The following CTNND2 variants were observed in gnomAD, a reference collection of about 807,000 sequenced individuals.
CTNND2 encodes the protein catenin delta-2.
In CTNND2, 22 loss-of-function variants were observed where a neutral mutation model predicts 144.4. The ratio of observed to expected loss-of-function variants is 0.15; its 90% CI spans 0.11 to 0.22. The LOEUF is 0.22. CTNND2 is among the 10% of genes least tolerant of loss of function. The pLI, the probability that CTNND2 is intolerant of heterozygous loss-of-function variation, is 1.00. For synonymous variants in CTNND2, 751 were observed against 695.6 expected, an observed-to-expected ratio of 1.08 and a Z score of -1.25; for missense variants, 1,353 against 1,618.8, an observed-to-expected ratio of 0.84 and a Z score of 2.82.
intron 9 of CTNND2, among the ~76,000 whole-genome samples, chr5:11,246,698 C>T (rs1033369209): frequency 1.6e-4 from 18 of 109,852 alleles, no homozygotes; most frequent in East Asian, 1.3e-3. Context: ...GACAGGGACA[C>T]GACAGTCTGT....
At position 11,042,424 on chromosome 5, in the gene CTNND2, A is replaced by T. The variant is rs112065434; in HGVS notation, c.2789-19445T>A. Among the ~76,000 whole-genome samples, 6 of 152,332 alleles carry T rather than the reference A, an allele frequency of 3.9e-5. 1 individual carries two copies. The highest frequency in any genetic ancestry group is 1.4e-4 in the African/African-American group (6 of 41,574). ...ACCTTGTTCACAGAGGACTTCGTAA[A>T]CTAGAGAGATATGTGGCATTAAAGA... On this transcript the variant is annotated intron_variant, in intron 16 of 21. Coordinates refer to ENST00000304623, the MANE Select transcript of CTNND2 (RefSeq NM_001332.4).
At chr5:11,015,722 G>T (rs1684473732) in intron 18 of CTNND2, among the ~76,000 whole-genome samples, 1 of 152,220 alleles carries the variant, frequency 6.6e-6, no homozygotes, top group South Asian at 2.1e-4. Flanking sequence ...GGATCTAAAG[G>T]AAAGAGGGTT....
At chr5:11,421,137 T>C (rs868208258) in intron 3 of CTNND2, among the ~76,000 whole-genome samples, 3 of 152,116 alleles carry the variant, frequency 2.0e-5, no homozygotes, top group Non-Finnish European at 4.4e-5. Context: ...CTGATTTCCA[T>C]GCTAAATGAT....
chr5:11,642,438 C>G (rs144936679), intron 2 of CTNND2, among the ~76,000 whole-genome samples: 1 of 152,168 alleles, frequency 6.6e-6, no homozygotes, highest in Admixed American at 6.5e-5. Context: ...GGTGGCGCTG[C>G]GAAAAGAATT....
At chr5:11,505,720 A>T (rs573715625) in intron 3 of CTNND2, among the ~76,000 whole-genome samples, 54 of 152,260 alleles carry the variant, frequency 3.5e-4, no homozygotes, top group African/African-American at 1.3e-3. Context: ...GTTTACTTAT[A>T]TCTCCATGCT....
At chr5:11,180,664 G>C (rs1199098509) in intron 11 of CTNND2, among the ~76,000 whole-genome samples, 4 of 152,176 alleles carry the variant, frequency 2.6e-5, no homozygotes, top group African/African-American at 9.7e-5. Flanking sequence ...ATCCTGCTGG[G>C]GACAGGGTCT....
At chr5:11,118,824 A>AT (rs1753807416) in intron 12 of CTNND2, among the ~76,000 whole-genome samples, 3 of 152,196 alleles carry the variant, frequency 2.0e-5, no homozygotes, top group Admixed American at 2.0e-4. Flanking sequence ...TTTACAGATG[A>AT]TAAAACCGAG....
In CTNND2 at chr5:11,757,696, A is replaced by G. The variant is rs543659564; in HGVS notation, c.38-25424T>C. On this transcript the variant is annotated intron_variant, in intron 1 of 21. Transcript: ENST00000304623. ...TAATTGTTTTCTTTTGTGTAAAATG[A>G]CATTTTAAACTGTAGAGTCCGTTAG... 7.2e-5 allele frequency among the ~76,000 whole-genome samples: 11 copies of G among 152,152 alleles called. 1 individual carries two copies. Among genetic ancestry groups the G allele is most frequent in the African/African-American group, 2.6e-4 (11 of 41,548 alleles).
At chr5:11,077,782 G>C (rs1224115403) in intron 16 of CTNND2, among the ~76,000 whole-genome samples, 1 of 152,140 alleles carries the variant, frequency 6.6e-6, no homozygotes, top group Admixed American at 6.6e-5. Flanking sequence ...TTGGACCAGA[G>C]AGAAAGCAAT....
chr5:11,471,123 G>A (rs930663063), intron 3 of CTNND2, among the ~76,000 whole-genome samples: 33 of 150,600 alleles, frequency 2.2e-4, no homozygotes, highest in African/African-American at 4.4e-4. Flanking sequence ...GACTACAGGC[G>A]CCCACCAACA....
At chr5:11,473,395 T>C (rs976068197) in intron 3 of CTNND2, among the ~76,000 whole-genome samples, 3 of 152,098 alleles carry the variant, frequency 2.0e-5, no homozygotes, top group Non-Finnish European at 4.4e-5. Flanking sequence ...CTAGGCCAAA[T>C]AATAAAGACA....
intron 11 of CTNND2, among the ~76,000 whole-genome samples, chr5:11,167,057 G>T (rs1759408025): frequency 6.6e-6 from 1 of 152,180 alleles, no homozygotes; most frequent in Non-Finnish European, 1.5e-5. Context: ...TATTCCAGAA[G>T]AGGAACCTGC....
chr5:11,077,328 G>A (rs1580216749), intron 16 of CTNND2, among the ~76,000 whole-genome samples: 1 of 152,290 alleles, frequency 6.6e-6, no homozygotes, highest in East Asian at 1.9e-4. Flanking sequence ...ATTAAGCAGG[G>A]AAAGGAGCTG....
At chr5:11,513,693 A>T (rs962630557) in intron 3 of CTNND2, among the ~76,000 whole-genome samples, 2 of 145,840 alleles carry the variant, frequency 1.4e-5, no homozygotes, top group Admixed American at 1.4e-4. Flanking sequence ...TGCGGCTGTT[A>T]AAAAAAAAAT....
intron 11 of CTNND2, among the ~76,000 whole-genome samples, chr5:11,170,856 C>A (rs1759834109): frequency 6.6e-6 from 1 of 152,160 alleles, no homozygotes; most frequent in Admixed American, 6.5e-5. Flanking sequence ...GGCCTCACAA[C>A]CATGGGAGAA....
intron 3 of CTNND2, among the ~76,000 whole-genome samples, chr5:11,535,899 A>G (rs551169014): frequency 2.6e-5 from 4 of 152,342 alleles, no homozygotes; most frequent in African/African-American, 9.6e-5. Flanking sequence ...CAACTATAAA[A>G]AAGGGTCTAA....
intron 17 of CTNND2, among the ~76,000 whole-genome samples, chr5:11,021,314 A>G (rs1456338575): frequency 6.6e-6 from 1 of 152,216 alleles, no homozygotes; most frequent in East Asian, 1.9e-4. Flanking sequence ...ATGAATATAG[A>G]CAAGAATATA....
At chr5:11,483,606 T>C (rs1768497107) in intron 3 of CTNND2, among the ~76,000 whole-genome samples, 1 of 152,232 alleles carries the variant, frequency 6.6e-6, no homozygotes. Flanking sequence ...CCAATCTCTT[T>C]TGCTTTATTC....
At chr5:11,112,298 G>T (rs768976638) in intron 13 of CTNND2, among the ~76,000 whole-genome samples, 2 of 152,198 alleles carry the variant, frequency 1.3e-5, no homozygotes, top group Non-Finnish European at 2.9e-5. Context: ...GGGCCTGTAC[G>T]TCAAAGAGGA....
Sources: allele counts gnomAD v4.1 joint callset (sites outside exome capture counted in the v4.1 genomes callset), GRCh38; gene constraint gnomAD v4.1.1; transcripts MANE v1.5; gene names NCBI Gene and HGNC (gene_info 2026-07-23, HGNC 2026-07-21).